Variants in SLC25A21 observed in about 807,000 individuals in gnomAD.
SLC25A21 encodes solute carrier family 25 member 21.
SLC25A21 carries 47 observed loss-of-function variants against 43.8 expected under a neutral mutation model. The observed-to-expected ratio is 1.07, with a 90% confidence interval of 0.85 to 1.37. The LOEUF (loss-of-function observed/expected upper bound fraction) is 1.37, where lower values mean the gene tolerates loss of function less well. Ranked by LOEUF, SLC25A21 falls within the 40% of genes most tolerant of loss-of-function variation. The probability of loss-of-function intolerance (pLI) is 0.00; values close to 1 mark genes in which losing one functional copy is unlikely to be tolerated. For missense variants in SLC25A21, 352 were observed against 350.2 expected (o/e 1.00, Z -0.04); for synonymous variants, 131 against 121.3 (o/e 1.08, Z -0.52).
chr14:36,791,655 A>G (rs1887487750), intron 3 of SLC25A21, among the ~76,000 whole-genome samples: 1 of 152,204 alleles, frequency 6.6e-6, no homozygotes, highest in African/African-American at 2.4e-5. Flanking sequence ...TTTTCTTTTT[A>G]TACAATGAAA....
At chr14:37,154,799 C>T (rs1259047299) in intron 1 of SLC25A21, among the ~76,000 whole-genome samples, 12 of 151,862 alleles carry the variant, frequency 7.9e-5, no homozygotes, top group African/African-American at 2.9e-4. Flanking sequence ...TGCACCACCA[C>T]ACCCAGCTAA....
At chr14:36,898,238 C>T (rs896453671) in intron 1 of SLC25A21, among the ~76,000 whole-genome samples, 5 of 152,132 alleles carry the variant, frequency 3.3e-5, no homozygotes, top group African/African-American at 7.2e-5. Context: ...CAATGGCAGG[C>T]GCCCCTCCCC....
intron 1 of SLC25A21, among the ~76,000 whole-genome samples, chr14:37,091,361 G>C (rs1264799729): frequency 6.6e-6 from 1 of 151,782 alleles, no homozygotes; most frequent in Non-Finnish European, 1.5e-5. Context: ...TTGAACCTGA[G>C]AGGCAAAGCT....
In SLC25A21 at chr14:36,677,949, T is replaced by G. The variant is rs1408468446; in HGVS notation, c.*2709A>C. 6.5e-6 allele frequency: 1 copy of G among 153,106 alleles called. No homozygotes were observed. The highest frequency in any genetic ancestry group is 1.5e-5 in the Non-Finnish European group (1 of 68,606). 9.5% of individuals were successfully genotyped at this position (153,106 alleles called of 1,614,324 possible). Reference sequence around the variant, plus strand: ...TTCTACAGTTTTTAATCCCTTCTGTTTAGGAAGTTCTTCCTGTTTGGCAAT... The same window carrying G: ...TTCTACAGTTTTTAATCCCTTCTGTGTAGGAAGTTCTTCCTGTTTGGCAAT... On this transcript the variant is annotated 3_prime_UTR_variant, in exon 10 of 10. Transcript: ENST00000331299.
chr14:36,762,415 C>A (rs1886193813), intron 3 of SLC25A21, among the ~76,000 whole-genome samples: 1 of 152,202 alleles, frequency 6.6e-6, no homozygotes, highest in African/African-American at 2.4e-5. Context: ...CACTCCTTTC[C>A]TGGCCCAGGC....
intron 1 of SLC25A21, among the ~76,000 whole-genome samples, chr14:36,891,592 T>G (rs1891073568): frequency 6.6e-6 from 1 of 152,166 alleles, no homozygotes; most frequent in Admixed American, 6.6e-5. Context: ...AAGGAGTATT[T>G]ATACTCCTGG....
chr14:36,838,988 A>G (rs572538723), intron 2 of SLC25A21, among the ~76,000 whole-genome samples: 1 of 152,350 alleles, frequency 6.6e-6, no homozygotes, highest in African/African-American at 2.4e-5. Flanking sequence ...CCTGCCAAAA[A>G]GCATTTAGCT....
intron 7 of SLC25A21, among the ~76,000 whole-genome samples, chr14:36,687,233 A>G (rs1882595278): frequency 1.3e-5 from 2 of 152,184 alleles, no homozygotes; most frequent in South Asian, 4.1e-4. Flanking sequence ...GATTACAGCC[A>G]TGAGCCACCG....
intron 6 of SLC25A21, among the ~76,000 whole-genome samples, chr14:36,720,102 C>A (rs769719364): frequency 6.6e-6 from 1 of 152,220 alleles, no homozygotes; most frequent in Non-Finnish European, 1.5e-5. Context: ...AAAGGGACAT[C>A]CACCTACATC....
At chr14:36,722,242 C>G (rs1201568777) in intron 6 of SLC25A21, among the ~76,000 whole-genome samples, 1 of 151,962 alleles carries the variant, frequency 6.6e-6, no homozygotes, top group African/African-American at 2.4e-5. Flanking sequence ...ATTATAGAGA[C>G]AGTAAAAAGA....
intron 1 of SLC25A21, among the ~76,000 whole-genome samples, chr14:37,089,619 G>A (rs995326272): frequency 6.6e-6 from 1 of 152,176 alleles, no homozygotes; most frequent in African/African-American, 2.4e-5. Context: ...GACATCAGGG[G>A]AGGGGAGGAG....
At chr14:36,819,892 C>T (rs1284605214) in intron 2 of SLC25A21, among the ~76,000 whole-genome samples, 3 of 152,118 alleles carry the variant, frequency 2.0e-5, no homozygotes, top group Non-Finnish European at 4.4e-5. Context: ...TTTGCACCAA[C>T]CTAATATAAC....
chr14:36,955,032 T>C (rs1959298799), intron 1 of SLC25A21, among the ~76,000 whole-genome samples: 1 of 152,212 alleles, frequency 6.6e-6, no homozygotes, highest in Admixed American at 6.5e-5. Flanking sequence ...AGTTTTTGCA[T>C]GTTTTTTCTC....
intron 1 of SLC25A21, among the ~76,000 whole-genome samples, chr14:36,907,742 T>C (rs745631002): frequency 6.6e-6 from 1 of 152,088 alleles, no homozygotes; most frequent in Non-Finnish European, 1.5e-5. Flanking sequence ...AAAAGAGATA[T>C]GGCCACAGAA....
chr14:37,148,466 C>G (rs1334101110), intron 1 of SLC25A21, among the ~76,000 whole-genome samples: 1 of 152,126 alleles, frequency 6.6e-6, no homozygotes, highest in Admixed American at 6.6e-5. Context: ...CTCTGAGAAA[C>G]TATGATTCCT....
intron 3 of SLC25A21, among the ~76,000 whole-genome samples, chr14:36,756,992 G>C (rs191581566): frequency 6.6e-6 from 1 of 151,562 alleles, no homozygotes; most frequent in Non-Finnish European, 1.5e-5. Flanking sequence ...GGTGGCTCAT[G>C]CCTGTAATCC....
At chr14:36,750,444 C>T (rs1215447468) in intron 3 of SLC25A21, among the ~76,000 whole-genome samples, 1 of 152,194 alleles carries the variant, frequency 6.6e-6, no homozygotes, top group East Asian at 1.9e-4. Flanking sequence ...ACCTTTGAGA[C>T]CATGTGCTCA....
chr14:36,902,883 A>T (rs938348262), intron 1 of SLC25A21, among the ~76,000 whole-genome samples: 12 of 151,972 alleles, frequency 7.9e-5, no homozygotes, highest in African/African-American at 2.7e-4. Flanking sequence ...TACTCAAGAG[A>T]CTGAGGCAGG....
chr14:36,975,287 A>T (rs1468913644), intron 1 of SLC25A21, among the ~76,000 whole-genome samples: 3 of 152,216 alleles, frequency 2.0e-5, no homozygotes, highest in Non-Finnish European at 4.4e-5. Flanking sequence ...TGGGCGTTTG[A>T]GCTGGTTTCA....
Sources: allele counts gnomAD v4.1 joint callset (sites outside exome capture counted in the v4.1 genomes callset), GRCh38; gene constraint gnomAD v4.1.1; transcripts MANE v1.5; gene names NCBI Gene and HGNC (gene_info 2026-07-23, HGNC 2026-07-21).